Variants in KIDINS220 observed in about 807,000 individuals in gnomAD.
The protein encoded by KIDINS220 is kinase D interacting substrate 220.
KIDINS220 carries 63 observed loss-of-function variants against 157.6 expected under a neutral mutation model. The ratio of observed to expected loss-of-function variants is 0.40; its 90% CI spans 0.33 to 0.49. The LOEUF (loss-of-function observed/expected upper bound fraction) is 0.49, where lower values mean the gene tolerates loss of function less well. KIDINS220 is among the 20% of genes least tolerant of loss of function. KIDINS220 has a pLI of 0.66. For missense variants in KIDINS220, 1,772 were observed against 2,171.2 expected (o/e 0.82, Z 3.65); for synonymous variants, 732 against 783.6 (o/e 0.93, Z 1.10).
intron 26 of KIDINS220, among the ~76,000 whole-genome samples, chr2:8,743,920 T>C (rs898854994): frequency 1.3e-5 from 2 of 152,030 alleles, no homozygotes; most frequent in Admixed American, 1.3e-4. Flanking sequence ...GTCTTGCATA[T>C]AGTACTAATT....
intron 1 of KIDINS220, 71 bp from the exon 2 acceptor site, chr2:8,827,200 T>G (rs189371724): frequency 2.8e-4 from 169 of 605,232 alleles, no homozygotes; most frequent in Non-Finnish European, 4.4e-4. Flanking sequence ...TACAATATCC[T>G]TCTTAACATT....
intron 1 of KIDINS220, among the ~76,000 whole-genome samples, chr2:8,835,659 CAAAAAAAAAAA>C (rs56986834): frequency 2.3e-5 from 2 of 87,302 alleles, no homozygotes; most frequent in African/African-American, 8.9e-5. Flanking sequence ...GACCCTGTCT[CAAAAAAAAAAA>C]AAAAAAAAAA....
intron 26 of KIDINS220, 175 bp from the exon 27 acceptor site, chr2:8,737,174 A>C (rs1220767112): frequency 1.8e-5 from 11 of 599,546 alleles, no homozygotes; most frequent in Non-Finnish European, 2.2e-5. Flanking sequence ...TACTGTTATA[A>C]CCTAATGAGT....
At chr2:8,744,257 C>T (rs1474904415) in intron 26 of KIDINS220, among the ~76,000 whole-genome samples, 5 of 140,626 alleles carry the variant, frequency 3.6e-5, no homozygotes, top group Non-Finnish European at 6.1e-5. Context: ...CAAGTCCCTC[C>T]CTGGACATCA....
At chr2:8,796,648 C>A in intron 11 of KIDINS220, 123 bp downstream of exon 11, 1 of 774,388 alleles carries the variant, frequency 1.3e-6, no homozygotes, top group Admixed American at 1.9e-5. Context: ...CCCACACAGA[C>A]ATCCCCAGCA....
At chr2:8,807,325 T>C (rs1417083372) in intron 6 of KIDINS220, among the ~76,000 whole-genome samples, 1 of 152,156 alleles carries the variant, frequency 6.6e-6, no homozygotes, top group Non-Finnish European at 1.5e-5. Context: ...AGCAGACACA[T>C]GAATGTCCAC....
At chr2:8,787,169 C>T (rs1394481297) in intron 15 of KIDINS220, among the ~76,000 whole-genome samples, 2 of 151,458 alleles carry the variant, frequency 1.3e-5, no homozygotes, top group Admixed American at 6.6e-5. Flanking sequence ...AATATTCCCC[C>T]AATTATTTTA....
At chr2:8,762,057 C>T (rs1277330159) in intron 22 of KIDINS220, among the ~76,000 whole-genome samples, 1 of 152,078 alleles carries the variant, frequency 6.6e-6, no homozygotes, top group Non-Finnish European at 1.5e-5. Flanking sequence ...TATAACTATA[C>T]ATAATGCTCT....
chr2:8,785,161 A>G (rs547302139), intron 17 of KIDINS220, among the ~76,000 whole-genome samples: 17 of 152,360 alleles, frequency 1.1e-4, no homozygotes, highest in African/African-American at 4.1e-4. Context: ...TGAAAAGACT[A>G]CACATGTATG....
intron 11 of KIDINS220, among the ~76,000 whole-genome samples, chr2:8,794,607 T>C (rs1482939878): frequency 6.6e-6 from 1 of 152,154 alleles, no homozygotes; most frequent in Admixed American, 6.5e-5. Context: ...TCTCCTCACC[T>C]TTCACTTTTC....
At chr2:8,811,825 G>A (rs955492702) in intron 6 of KIDINS220, among the ~76,000 whole-genome samples, 11 of 152,270 alleles carry the variant, frequency 7.2e-5, no homozygotes, top group African/African-American at 2.6e-4. Flanking sequence ...TGGAGGTGAT[G>A]GCAAATGGGC....
chr2:8,809,044 A>G (rs1232082333), intron 6 of KIDINS220, among the ~76,000 whole-genome samples: 1 of 151,870 alleles, frequency 6.6e-6, no homozygotes, highest in Non-Finnish European at 1.5e-5. Flanking sequence ...TTTGAGAGGG[A>G]GTCTCACTCT....
At position 8,730,065 on chromosome 2, in the gene KIDINS220, G is replaced by C. The variant is rs776849507; in HGVS notation, c.*655C>G. The C allele has an allele frequency of 2.0e-6, 2 of 985,268 alleles. No homozygotes were observed. Among genetic ancestry groups the C allele is most frequent in the African/African-American group, 1.7e-5 (1 of 57,192 alleles). 61.0% of individuals were successfully genotyped at this position (985,268 alleles called of 1,614,324 possible). A position where few individuals can be genotyped will look rare whatever the true frequency, so the allele number is the denominator to read the frequency against. ...CCCACGGAGGTCACCAGCCCTCCCC[G>C]CATCTACTCTCCTAACAGCTCAGGA... On this transcript the variant is annotated 3_prime_UTR_variant, in exon 30 of 30. Transcript: ENST00000256707.
intron 17 of KIDINS220, among the ~76,000 whole-genome samples, chr2:8,782,455 G>T (rs866464865): frequency 6.6e-6 from 1 of 152,158 alleles, no homozygotes; most frequent in Non-Finnish European, 1.5e-5. Context: ...TAGATAAACA[G>T]ACCAGTTCTT....
At chr2:8,831,929 C>T (rs1412934022) in intron 1 of KIDINS220, among the ~76,000 whole-genome samples, 1 of 152,228 alleles carries the variant, frequency 6.6e-6, no homozygotes, top group Non-Finnish European at 1.5e-5. Context: ...ACCCAAACCA[C>T]AAAATGCCCA....
intron 20 of KIDINS220, among the ~76,000 whole-genome samples, chr2:8,777,515 G>C (rs1048114130): frequency 6.6e-6 from 1 of 152,106 alleles, no homozygotes; most frequent in Non-Finnish European, 1.5e-5. Context: ...TGCCCGGGCT[G>C]GTCTTGAACT....
At chr2:8,834,756 A>G (rs1362191512) in intron 1 of KIDINS220, among the ~76,000 whole-genome samples, 1 of 152,178 alleles carries the variant, frequency 6.6e-6, no homozygotes, top group Admixed American at 6.5e-5. Flanking sequence ...ATTCTTAACA[A>G]GCCAAAACAC....
In KIDINS220 at chr2:8,800,390, T is replaced by C. The variant is rs746729570; in HGVS notation, c.900+10A>G. The C allele has an allele frequency of 1.9e-6, 3 of 1,574,444 alleles. No individual in the cohort carries two copies. On this transcript the variant is annotated intron_variant, in intron 9 of 29. Transcript: ENST00000256707. ...CTCTAAGATAGCAACTGCACTGTAA[T>C]CACACATACCTGTCCTCTAATGTCT... is the stretch of plus-strand genomic sequence containing the variant.
At chr2:8,756,252 C>T (rs1667996739) in intron 22 of KIDINS220, among the ~76,000 whole-genome samples, 1 of 152,092 alleles carries the variant, frequency 6.6e-6, no homozygotes, top group South Asian at 2.1e-4. Flanking sequence ...AAATGAACTG[C>T]CTTCTTAATT....
Sources: gnomAD v4.1 joint callset for allele counts (sites outside exome capture counted in the v4.1 genomes callset) on GRCh38, gnomAD v4.1.1 for gene constraint, MANE v1.5 for transcripts, NCBI Gene and HGNC (gene_info 2026-07-23, HGNC 2026-07-21) for gene names.